Variants in SLC22A4 observed in about 807,000 individuals in gnomAD.
SLC22A4 encodes solute carrier family 22 member 4, also known as ET transporter.
SLC22A4 carries 39 observed loss-of-function variants against 56.6 expected under a neutral mutation model. The ratio of observed to expected loss-of-function variants is 0.69; its 90% CI spans 0.53 to 0.90. The LOEUF (loss-of-function observed/expected upper bound fraction) is 0.90. Among genes scored for constraint, SLC22A4 ranks in the 40% least tolerant of loss-of-function variants. The pLI, the probability that SLC22A4 is intolerant of heterozygous loss-of-function variation, is 0.00. For missense variants in SLC22A4, 594 were observed against 696.5 expected, an observed-to-expected ratio of 0.85 and a Z score of 1.66; for synonymous variants, 241 against 281.4, an observed-to-expected ratio of 0.86 and a Z score of 1.44.
At chr5:132,320,619 G>T (rs1480968098) in intron 3 of SLC22A4, among the ~76,000 whole-genome samples, 1 of 152,180 alleles carries the variant, frequency 6.6e-6, no homozygotes, top group African/African-American at 2.4e-5. Flanking sequence ...TTTTTAAATG[G>T]CCTCTTGAGA....
intron 1 of SLC22A4, among the ~76,000 whole-genome samples, chr5:132,297,784 AAAAT>A (rs1454882745): frequency 2.0e-5 from 3 of 152,082 alleles, no homozygotes; most frequent in East Asian, 3.9e-4. Context: ...ATCTCTACAA[AAAAT>A]AAATAAAAAA....
intron 9 of SLC22A4, among the ~76,000 whole-genome samples, chr5:132,343,461 T>C (rs1751279893): frequency 6.6e-6 from 1 of 152,264 alleles, no homozygotes; most frequent in Non-Finnish European, 1.5e-5. Context: ...TTTCTTCTAA[T>C]GATAGAACTA....
intron 1 of SLC22A4, chr5:132,311,937 A>G: frequency 1.7e-6 from 1 of 602,014 alleles, no homozygotes. Context: ...GAGGATCCTG[A>G]GTTTCAGGGA....
chr5:132,315,467 T>C (rs1328658765), intron 3 of SLC22A4, among the ~76,000 whole-genome samples: 1 of 152,182 alleles, frequency 6.6e-6, no homozygotes, highest in Non-Finnish European at 1.5e-5. Flanking sequence ...AGGGTGATTC[T>C]GGAGCCTCCA....
At chr5:132,336,117 A>G (rs775407488) in intron 8 of SLC22A4, 117 bp downstream of exon 8, 31 of 1,033,874 alleles carry the variant, frequency 3.0e-5, no homozygotes, top group African/African-American at 6.3e-5. Context: ...GTACAAGTTC[A>G]CCTCTCCTCT....
intron 5 of SLC22A4, among the ~76,000 whole-genome samples, chr5:132,330,950 C>G (rs955171261): frequency 2.0e-5 from 3 of 151,948 alleles, no homozygotes; most frequent in African/African-American, 7.3e-5. Flanking sequence ...ATTAATATAC[C>G]CATTTTATAT....
At chr5:132,326,620 T>C (rs1750696430) in intron 4 of SLC22A4, among the ~76,000 whole-genome samples, 1 of 152,370 alleles carries the variant, frequency 6.6e-6, no homozygotes, top group East Asian at 1.9e-4. Context: ...GAGCATCAGC[T>C]ATAAATGGGA....
chr5:132,333,007 T>C (rs1398743257), intron 6 of SLC22A4, among the ~76,000 whole-genome samples: 1 of 152,238 alleles, frequency 6.6e-6, no homozygotes, highest in Non-Finnish European at 1.5e-5. Flanking sequence ...CTATCTAAAC[T>C]ACTCCTATTA....
rs747997823 is a variant in SLC22A4, at chr5:132,305,850, A to G, written c.394-6311A>G. Among the ~76,000 whole-genome samples, 9 of 152,374 alleles carry G rather than the reference A, an allele frequency of 5.9e-5. 1 individual carries two copies. Among genetic ancestry groups the G allele is most frequent in the Non-Finnish European group, 1.3e-4 (9 of 68,032 alleles). On this transcript the variant is annotated intron_variant, in intron 1 of 9. Coordinates refer to ENST00000200652, the MANE Select transcript of SLC22A4 (RefSeq NM_003059.3). ...TTGCAAAATGTATACTTTAAAAACT[A>G]TAAAATGTCATTGAAAGAAATTCCA...
intron 1 of SLC22A4, among the ~76,000 whole-genome samples, chr5:132,299,827 T>C (rs1265450442): frequency 1.3e-5 from 2 of 152,234 alleles, no homozygotes; most frequent in African/African-American, 4.8e-5. Flanking sequence ...AGATTTCACA[T>C]ATACCCTTCA....
At chr5:132,330,084 C>T (rs1375130638) in intron 5 of SLC22A4, among the ~76,000 whole-genome samples, 1 of 152,190 alleles carries the variant, frequency 6.6e-6, no homozygotes, top group African/African-American at 2.4e-5. Context: ...GGTTATTCTG[C>T]TGGGGGCATG....
At chr5:132,305,212 G>A (rs1749997016) in intron 1 of SLC22A4, among the ~76,000 whole-genome samples, 1 of 152,154 alleles carries the variant, frequency 6.6e-6, no homozygotes, top group Middle Eastern at 3.2e-3. Flanking sequence ...GAAGATAGAG[G>A]ATTGGAAATT....
In SLC22A4 at chr5:132,331,645, A is replaced by G. The variant is rs1409625657; in HGVS notation, c.952-111A>G. 5.0e-6 allele frequency: 4 copies of G among 803,730 alleles called. No individual in the cohort carries two copies. In the Admixed American group the frequency reaches 6.8e-5, roughly 14 times the overall value. 49.8% of individuals were successfully genotyped at this position (803,730 alleles called of 1,614,324 possible). On this transcript the variant is annotated intron_variant, in intron 5 of 9. Coordinates refer to ENST00000200652, the MANE Select transcript of SLC22A4 (RefSeq NM_003059.3). ...CTCCAATCACCAGACTTCTAAGCAT[A>G]GTCAAGGTGAAGTGAGAGTTGCATG...
Position 132,294,459 on chromosome 5 carries a change from C to A in SLC22A4, c.-158C>A. On this transcript the variant is annotated 5_prime_UTR_variant, in exon 1 of 10. Transcript: ENST00000200652. The surrounding 1 kb of genome is among the most constrained non-coding windows in gnomAD (Gnocchi z 5.6). Reference sequence around the variant, plus strand: ...ACGCTCCAACGCCTTCAGCCTGTTTCCCAGGAACGGTCCCCGGCTTCGCGC... The same window carrying A: ...ACGCTCCAACGCCTTCAGCCTGTTTACCAGGAACGGTCCCCGGCTTCGCGC... The A allele has an allele frequency of 1.0e-6, 1 of 998,442 alleles. No homozygotes were observed. The highest frequency in any genetic ancestry group is 1.5e-6 in the Non-Finnish European group (1 of 671,958). 61.8% of individuals were successfully genotyped at this position (998,442 alleles called of 1,614,324 possible). A position where few individuals can be genotyped will look rare whatever the true frequency, so the allele number is the denominator to read the frequency against.
chr5:132,335,898 A>T lies in SLC22A4; in HGVS notation c.1342A>T (p.Thr448Ser). ...TSAFSMLYVFTAELYPTLVRN... is the reference protein window; with the variant it reads ...TSAFSMLYVFSAELYPTLVRN... ...TGCTTTCTCCATGCTGTATGTCTTCACTGCTGAGCTCTACCCAACCCTGGT... is the reference window on the plus strand; with the variant it reads ...TGCTTTCTCCATGCTGTATGTCTTCTCTGCTGAGCTCTACCCAACCCTGGT... Residue 448 changes from threonine to serine, a missense_variant, in exon 8 of 10, where the codon ACT (threonine) becomes TCT (serine). Transcript: ENST00000200652. 6.2e-7 allele frequency: 1 copy of T among 1,614,136 alleles called. No homozygotes were observed. Among genetic ancestry groups the T allele is most frequent in the Non-Finnish European group, 8.5e-7 (1 of 1,180,002 alleles).
intron 3 of SLC22A4, chr5:132,320,836 C>G (rs1309411359): frequency 6.6e-6 from 1 of 152,192 alleles, no homozygotes; most frequent in East Asian, 1.9e-4. Context: ...CATGAATGAC[C>G]TTTGAATTAT....
chr5:132,343,782 A>G lies in SLC22A4; in HGVS notation c.1603A>G (p.Arg535Gly). 2 of 1,608,192 alleles carry G rather than the reference A, an allele frequency of 1.2e-6. No homozygotes were observed. Among genetic ancestry groups the G allele is most frequent in the Admixed American group, 1.7e-5 (1 of 59,988 alleles). ...CAGGTTCAGATCTGGGAAAAAAACA[A>G]GAGACTCAATGGAGACAGAAGAAAA... ...VKWFRSGKKT[R>G]DSMETEENPK... Residue 535 changes from arginine (R) to glycine (G), a missense_variant, in exon 10 of 10, where the codon AGA becomes GGA. Arg to Gly is a moderately radical substitution (Grantham distance 125). Coordinates refer to ENST00000200652, the MANE Select transcript of SLC22A4 (RefSeq NM_003059.3).
At chr5:132,335,793 TG>T in intron 7 of SLC22A4, 24 bp from the exon 8 acceptor site, 3 of 1,599,268 alleles carry the variant, frequency 1.9e-6, no homozygotes, top group Non-Finnish European at 1.7e-6. Flanking sequence ...AAAGCACCAT[TG>T]TTTATACCGG....
At chr5:132,332,419 G>A (rs777959719) in intron 6 of SLC22A4, 27 of 156,066 alleles carry the variant, frequency 1.7e-4, no homozygotes, top group Non-Finnish European at 3.1e-4. Context: ...GATCATTGAT[G>A]TCCCTGGGTA....
Sources: gnomAD v4.1 joint callset for allele counts (sites outside exome capture counted in the v4.1 genomes callset) on GRCh38, gnomAD v4.1.1 for gene constraint, Gnocchi (gnomAD v3.1) non-coding constraint, MANE v1.5 for transcripts, NCBI Gene and HGNC (gene_info 2026-07-23, HGNC 2026-07-21) for gene names.